Variants in THSD4 observed in about 807,000 individuals in gnomAD.
The protein encoded by THSD4 is thrombospondin type-1 domain-containing protein 4.
THSD4 carries 69 observed loss-of-function variants against 119.0 expected under a neutral mutation model. That is an observed-to-expected ratio of 0.58 (90% confidence interval 0.48 to 0.71). THSD4 has a LOEUF of 0.71. Ranked by LOEUF, THSD4 falls within the 30% of genes least tolerant of loss-of-function variation. THSD4 has a pLI of 0.00. For missense variants in THSD4, 1,393 were observed against 1,391.1 expected (o/e 1.00, Z -0.02); for synonymous variants, 524 against 540.4 (o/e 0.97, Z 0.42).
chr15:71,173,845 G>A (rs953948092), intron 3 of THSD4, among the ~76,000 whole-genome samples: 1 of 152,006 alleles, frequency 6.6e-6, no homozygotes, highest in Non-Finnish European at 1.5e-5. Context: ...AGAGAGCCCA[G>A]AATTAAACCC....
Position 71,540,992 on chromosome 15 carries a change from C to T in THSD4, c.1153-119538C>T, listed in dbSNP as rs549470288. Among the ~76,000 whole-genome samples, 10 of 152,130 alleles carry T rather than the reference C, an allele frequency of 6.6e-5. No homozygotes were observed. The East Asian group carries it at 1.5e-3, about 24-fold the overall frequency. On this transcript the variant is annotated intron_variant, in intron 7 of 17. Coordinates refer to ENST00000261862, the MANE Select transcript of THSD4 (RefSeq NM_024817.3). The stretch of plus-strand genomic sequence containing the variant: ...CCCACCTCAGCCTCCCAAAGTGCTG[C>T]GATTACCAGCGTGAGCCACTGCGCC...
rs374357357 is a variant in THSD4, at chr15:71,341,531, C to A, written c.1016-70156C>A. On this transcript the variant is annotated intron_variant, in intron 6 of 17. Coordinates refer to ENST00000261862, the MANE Select transcript of THSD4 (RefSeq NM_024817.3). ...CCTGCCAACTCCACCGTTGTAATGTCGGAATGGTACACACTGTTTCTGTAA... is the reference window on the plus strand; with the variant it reads ...CCTGCCAACTCCACCGTTGTAATGTAGGAATGGTACACACTGTTTCTGTAA... 26 of 1,611,286 alleles carry A rather than the reference C, an allele frequency of 1.6e-5. No individual in the cohort carries two copies. In the African/African-American group the frequency reaches 2.9e-4, roughly 18 times the overall value.
chr15:71,208,737 C>T (rs2043865797), intron 3 of THSD4, among the ~76,000 whole-genome samples: 1 of 152,052 alleles, frequency 6.6e-6, no homozygotes, highest in Admixed American at 6.5e-5. Context: ...GTCACGAACG[C>T]CTGACCTCAA....
chr15:71,707,865 C>T (rs947521784), intron 8 of THSD4, among the ~76,000 whole-genome samples: 1 of 152,200 alleles, frequency 6.6e-6, no homozygotes, highest in Non-Finnish European at 1.5e-5. Context: ...CAAATAAAAA[C>T]AATTTCATGC....
At chr15:71,381,404 A>G (rs992900985) in intron 6 of THSD4, among the ~76,000 whole-genome samples, 7 of 152,196 alleles carry the variant, frequency 4.6e-5, no homozygotes, top group Non-Finnish European at 7.3e-5. Context: ...CTGCCAAAGC[A>G]TTTCCTTGGT....
intron 6 of THSD4, among the ~76,000 whole-genome samples, chr15:71,258,778 T>G (rs2044352964): frequency 6.6e-6 from 1 of 151,440 alleles, no homozygotes; most frequent in South Asian, 2.1e-4. Context: ...GGAAATAGAG[T>G]CATTGCAGAT....
chr15:71,195,096 G>T (rs966234881), intron 3 of THSD4, among the ~76,000 whole-genome samples: 1 of 152,182 alleles, frequency 6.6e-6, no homozygotes, highest in South Asian at 2.1e-4. Flanking sequence ...GCAAGGCCTC[G>T]TGTTAATTCA....
intron 3 of THSD4, among the ~76,000 whole-genome samples, chr15:71,159,878 A>G (rs2043235040): frequency 6.6e-6 from 1 of 152,076 alleles, no homozygotes. Context: ...GGAAAAGGTG[A>G]AAGCTTTGCT....
intron 3 of THSD4, among the ~76,000 whole-genome samples, chr15:71,172,848 T>C (rs2043394819): frequency 6.6e-6 from 1 of 150,740 alleles, no homozygotes; most frequent in African/African-American, 2.4e-5. Flanking sequence ...TTGTACAATA[T>C]ACGAAAACTA....
chr15:71,441,870 G>T (rs1292545975), intron 7 of THSD4, among the ~76,000 whole-genome samples: 1 of 152,152 alleles, frequency 6.6e-6, no homozygotes, highest in Non-Finnish European at 1.5e-5. Flanking sequence ...CAATGAGACG[G>T]TGCATAAAAG....
At chr15:71,565,595 A>G (rs538855776) in intron 7 of THSD4, among the ~76,000 whole-genome samples, 1 of 152,340 alleles carries the variant, frequency 6.6e-6, no homozygotes, top group Non-Finnish European at 1.5e-5. Context: ...GAGAAGTAAA[A>G]GACTTTAGCA....
intron 16 of THSD4, among the ~76,000 whole-genome samples, chr15:71,769,909 T>A (rs1595934723): frequency 5.1e-5 from 2 of 38,860 alleles, no homozygotes; most frequent in Non-Finnish European, 4.6e-5. Context: ...CCAAGAATTA[T>A]CAATAAAAAA....
At chr15:71,532,596 T>C (rs1235368958) in intron 7 of THSD4, among the ~76,000 whole-genome samples, 1 of 152,070 alleles carries the variant, frequency 6.6e-6, no homozygotes, top group Non-Finnish European at 1.5e-5. Flanking sequence ...ATTACAGGTG[T>C]GAGCCACCAC....
chr15:71,373,585 C>T (rs2046090155), intron 6 of THSD4, among the ~76,000 whole-genome samples: 1 of 152,188 alleles, frequency 6.6e-6, no homozygotes. Context: ...TCCATAAGAT[C>T]TGGTGGTGAA....
chr15:71,595,893 T>A (rs1021887424), intron 7 of THSD4, among the ~76,000 whole-genome samples: 1 of 152,198 alleles, frequency 6.6e-6, no homozygotes, highest in Non-Finnish European at 1.5e-5. Flanking sequence ...AAGGGACTTG[T>A]GTCTGTGTTT....
chr15:71,509,934 C>T (rs1023605702), intron 7 of THSD4, among the ~76,000 whole-genome samples: 6 of 152,096 alleles, frequency 3.9e-5, no homozygotes, highest in African/African-American at 1.2e-4. Flanking sequence ...TTTTCTCCAG[C>T]AGGCTCTAGT....
intron 7 of THSD4, among the ~76,000 whole-genome samples, chr15:71,517,280 T>G (rs1361680461): frequency 2.0e-5 from 3 of 152,160 alleles, no homozygotes; most frequent in Non-Finnish European, 4.4e-5. Flanking sequence ...CTGTCTCTTC[T>G]TCCATCCCCG....
chr15:71,170,450 A>G (rs1413837935), intron 3 of THSD4, among the ~76,000 whole-genome samples: 1 of 152,208 alleles, frequency 6.6e-6, no homozygotes, highest in Admixed American at 6.5e-5. Context: ...GGCATTGAAT[A>G]GAATACTCAG....
chr15:71,512,204 A>G (rs1435056769), intron 7 of THSD4, among the ~76,000 whole-genome samples: 1 of 152,208 alleles, frequency 6.6e-6, no homozygotes. Context: ...AGGCCTGGGC[A>G]GCAACTTCCA....
Sources: gnomAD v4.1 joint callset for allele counts (sites outside exome capture counted in the v4.1 genomes callset) on GRCh38, gnomAD v4.1.1 for gene constraint, MANE v1.5 for transcripts, NCBI Gene and HGNC (gene_info 2026-07-23, HGNC 2026-07-21) for gene names.